DAB1: variants seen among roughly 807,000 people sequenced by gnomAD.
DAB1 encodes disabled homolog 1.
DAB1 carries 15 observed loss-of-function variants against 64.6 expected under a neutral mutation model. The ratio of observed to expected loss-of-function variants is 0.23; its 90% CI spans 0.16 to 0.36. The LOEUF is 0.36. Ranked by LOEUF, DAB1 falls within the 10% of genes least tolerant of loss-of-function variation. DAB1 has a pLI of 1.00. For missense variants in DAB1, 596 were observed against 706.7 expected (o/e 0.84, Z 1.78); for synonymous variants, 235 against 251.9 (o/e 0.93, Z 0.64).
chr1:57,147,034 CTTT>C (rs71681386), intron 2 of DAB1, among the ~76,000 whole-genome samples: 10 of 143,530 alleles, frequency 7.0e-5, no homozygotes, highest in Non-Finnish European at 7.6e-5. Flanking sequence ...CACTGTTTTT[CTTT>C]TTTTTTTTTT....
chr1:58,072,101 G>T (rs1027140732), intron 5 of DAB1, among the ~76,000 whole-genome samples: 1 of 147,940 alleles, frequency 6.8e-6, no homozygotes, highest in Admixed American at 6.8e-5. Context: ...GGGGTGGGTA[G>T]TAGGGAAGGT....
intron 4 of DAB1, among the ~76,000 whole-genome samples, chr1:58,268,565 T>C (rs1661231167): frequency 6.6e-6 from 1 of 152,160 alleles, no homozygotes; most frequent in African/African-American, 2.4e-5. Context: ...GAATGAGATC[T>C]GAAATAATAT....
chr1:58,274,719 T>C (rs1176309605), intron 4 of DAB1, among the ~76,000 whole-genome samples: 1 of 152,182 alleles, frequency 6.6e-6, no homozygotes, highest in Non-Finnish European at 1.5e-5. Context: ...TTCGCCGCTT[T>C]TTAAGCCGGT....
chr1:57,444,847 C>T (rs1057243568), intron 7 of DAB1, among the ~76,000 whole-genome samples: 3 of 152,192 alleles, frequency 2.0e-5, no homozygotes, highest in Non-Finnish European at 2.9e-5. Context: ...TGAGAGAACA[C>T]GTCTGTAGAT....
chr1:57,532,592 T>TATC (rs1386401305), intron 7 of DAB1, among the ~76,000 whole-genome samples: 1 of 152,232 alleles, frequency 6.6e-6, no homozygotes, highest in African/African-American at 2.4e-5. Flanking sequence ...AACTTGCTTC[T>TATC]ATCCTGTTTG....
intron 6 of DAB1, among the ~76,000 whole-genome samples, chr1:57,782,586 A>G (rs561100655): frequency 6.6e-6 from 1 of 152,286 alleles, no homozygotes; most frequent in African/African-American, 2.4e-5. Context: ...ATCTTCTAGA[A>G]CCTGCTGTCT....
At chr1:57,290,809 C>T (rs1330566994) in intron 2 of DAB1, among the ~76,000 whole-genome samples, 155 bp downstream of exon 2, 2 of 151,936 alleles carry the variant, frequency 1.3e-5, no homozygotes, top group Non-Finnish European at 2.9e-5. Flanking sequence ...AATGATGAAC[C>T]ATTACATTAT....
At chr1:57,567,098 C>G (rs1570634134) in intron 7 of DAB1, among the ~76,000 whole-genome samples, 3 of 152,282 alleles carry the variant, frequency 2.0e-5, no homozygotes, top group African/African-American at 7.2e-5. Flanking sequence ...GGGCTTCATG[C>G]CTGGGATGCA....
chr1:57,167,357 T>C (rs115892526), intron 2 of DAB1, among the ~76,000 whole-genome samples: 5,185 of 152,254 alleles, frequency 0.034, 294 homozygotes, highest in African/African-American at 0.12. Context: ...TGCATGCAAC[T>C]GGACACTTTA....
intron 2 of DAB1, among the ~76,000 whole-genome samples, chr1:57,283,675 A>C (rs1672089024): frequency 6.6e-6 from 1 of 152,224 alleles, no homozygotes; most frequent in South Asian, 2.1e-4. Flanking sequence ...ATTCTAAAAC[A>C]TGGGCTCTTT....
At chr1:58,132,602 A>G (rs1021574258) in intron 5 of DAB1, among the ~76,000 whole-genome samples, 1 of 152,160 alleles carries the variant, frequency 6.6e-6, no homozygotes, top group Admixed American at 6.5e-5. Context: ...CGATCTATCA[A>G]CTGCCACCCC....
At position 56,997,731 on chromosome 1, in the gene DAB1, G is replaced by C. The variant is rs1645684635; in HGVS notation, c.*413C>G. The stretch of plus-strand genomic sequence containing the variant: ...ACCCTGTTGTAATCCTCTGATGCCT[G>C]TCACTCCAAATTTGGTGTCTCAACA... On this transcript the variant is annotated 3_prime_UTR_variant, in exon 15 of 15. Coordinates refer to ENST00000371236, the MANE Select transcript of DAB1 (RefSeq NM_001365792.1). 1 of 152,164 alleles carries C rather than the reference G, an allele frequency of 6.6e-6. No homozygotes were observed. Among genetic ancestry groups the C allele is most frequent in the African/African-American group, 2.4e-5 (1 of 41,424 alleles). 9.4% of individuals were successfully genotyped at this position (152,164 alleles called of 1,614,324 possible). A position where few individuals can be genotyped will look rare whatever the true frequency, so the allele number is the denominator to read the frequency against.
intron 7 of DAB1, among the ~76,000 whole-genome samples, chr1:57,492,905 C>A (rs1483778389): frequency 6.6e-6 from 1 of 152,072 alleles, no homozygotes; most frequent in African/African-American, 2.4e-5. Flanking sequence ...TGGAGAAATT[C>A]AAATTTTTTT....
intron 5 of DAB1, among the ~76,000 whole-genome samples, chr1:58,049,523 C>A (rs1282277852): frequency 6.6e-6 from 1 of 152,006 alleles, no homozygotes; most frequent in Non-Finnish European, 1.5e-5. Flanking sequence ...AAATTAGAAC[C>A]AAGTATATGA....
intron 1 of DAB1, among the ~76,000 whole-genome samples, chr1:57,849,463 G>C (rs963474327): frequency 6.6e-6 from 1 of 152,188 alleles, no homozygotes; most frequent in African/African-American, 2.4e-5. Context: ...TCTAATGAAG[G>C]CTCTCCAGTC....
intron 2 of DAB1, among the ~76,000 whole-genome samples, chr1:57,239,722 A>C (rs1340938378): frequency 6.6e-6 from 1 of 152,170 alleles, no homozygotes. Flanking sequence ...TTTCATCCTG[A>C]AAGAACCCAG....
At chr1:58,117,626 A>C (rs1181521379) in intron 5 of DAB1, among the ~76,000 whole-genome samples, 4 of 152,196 alleles carry the variant, frequency 2.6e-5, no homozygotes, top group Non-Finnish European at 1.5e-5. Flanking sequence ...GTCACACAGA[A>C]TCAATGAAGC....
At position 57,189,196 on chromosome 1, in the gene DAB1, T is replaced by C. The variant is rs981020509; in HGVS notation, c.68-43767A>G. Reference sequence around the variant, plus strand: ...ACCATAATAACTTAACGGCTGATGTTACAGGAGCTCCATCCAAGTGGTTTC... The same window carrying C: ...ACCATAATAACTTAACGGCTGATGTCACAGGAGCTCCATCCAAGTGGTTTC... On this transcript the variant is annotated intron_variant, in intron 2 of 14. Transcript: ENST00000371236. Among the ~76,000 whole-genome samples the C allele has an allele frequency of 7.9e-5, 12 of 152,290 alleles. No individual in the cohort carries two copies. The East Asian group carries it at 2.3e-3, about 29-fold the overall frequency.
intron 1 of DAB1, among the ~76,000 whole-genome samples, chr1:57,376,200 G>A (rs933403510): frequency 6.6e-6 from 1 of 152,142 alleles, no homozygotes; most frequent in African/African-American, 2.4e-5. Context: ...CCAAAACACT[G>A]CATTTTTGAG....
Sources: allele counts gnomAD v4.1 joint callset (sites outside exome capture counted in the v4.1 genomes callset), GRCh38; gene constraint gnomAD v4.1.1; transcripts MANE v1.5; gene names NCBI Gene and HGNC (gene_info 2026-07-23, HGNC 2026-07-21).